The following STAU2 variants were observed in gnomAD, a reference collection of about 807,000 sequenced individuals.
The protein encoded by STAU2 is double-stranded RNA-binding protein Staufen homolog 2.
STAU2 carries 20 observed loss-of-function variants against 65.9 expected under a neutral mutation model. The observed-to-expected ratio is 0.30, with a 90% CI of 0.21 to 0.44. STAU2 has a LOEUF of 0.44. Among genes scored for constraint, STAU2 ranks in the 20% least tolerant of loss-of-function variants. STAU2 has a pLI of 1.00. For synonymous variants in STAU2, 232 were observed against 233.9 expected (o/e 0.99, Z 0.07); for missense variants, 558 against 683.9 (o/e 0.82, Z 2.05).
At chr8:73,515,766 A>C (rs1219983147) in intron 13 of STAU2, among the ~76,000 whole-genome samples, 4 of 141,398 alleles carry the variant, frequency 2.8e-5, no homozygotes, top group Admixed American at 7.9e-5. Context: ...GTGCTGAAAA[A>C]ATTTCTCTTT....
intron 3 of STAU2, among the ~76,000 whole-genome samples, chr8:73,720,513 T>C (rs1455250884): frequency 1.1e-4 from 5 of 46,914 alleles, no homozygotes; most frequent in African/African-American, 3.7e-4. Flanking sequence ...TTTTTTTTTT[T>C]TTTTTTTTTT....
chr8:73,688,914 G>A, intron 4 of STAU2, 101 bp from the exon 5 acceptor site: 13 of 1,390,248 alleles, frequency 9.4e-6, no homozygotes, highest in Non-Finnish European at 1.3e-5. Flanking sequence ...CAGAATTTTA[G>A]AGCTAGAGGT....
At chr8:73,580,534 A>G (rs1173310826) in intron 12 of STAU2, among the ~76,000 whole-genome samples, 1 of 152,232 alleles carries the variant, frequency 6.6e-6, no homozygotes, top group African/African-American at 2.4e-5. Context: ...CAGGACAGAA[A>G]CCATTTAGAA....
intron 6 of STAU2, among the ~76,000 whole-genome samples, chr8:73,666,136 T>C (rs944918298): frequency 2.6e-5 from 4 of 152,206 alleles, no homozygotes; most frequent in African/African-American, 9.6e-5. Context: ...ACATCAACTG[T>C]TGTACTTTCC....
chr8:73,504,022 T>C (rs191888793), intron 13 of STAU2, among the ~76,000 whole-genome samples: 4 of 152,248 alleles, frequency 2.6e-5, no homozygotes, highest in African/African-American at 9.6e-5. Context: ...GATGTCAATA[T>C]TAAAATGAAA....
At chr8:73,449,680 C>A (rs560375834) in intron 13 of STAU2, among the ~76,000 whole-genome samples, 31 of 152,204 alleles carry the variant, frequency 2.0e-4, no homozygotes, top group Non-Finnish European at 3.7e-4. Flanking sequence ...GTGGGACCAC[C>A]GGCAAGAGGC....
intron 6 of STAU2, among the ~76,000 whole-genome samples, chr8:73,666,653 C>T (rs1312093139): frequency 6.6e-6 from 1 of 152,144 alleles, no homozygotes; most frequent in African/African-American, 2.4e-5. Context: ...GATACATTAG[C>T]TAAAGGTAAC....
At chr8:73,565,324 T>C (rs1345403256) in intron 12 of STAU2, among the ~76,000 whole-genome samples, 2 of 152,122 alleles carry the variant, frequency 1.3e-5, no homozygotes, top group Non-Finnish European at 2.9e-5. Context: ...CTGCTGGCCA[T>C]GTGAAGATGT....
At chr8:73,741,196 T>G (rs1420469545) in intron 1 of STAU2, among the ~76,000 whole-genome samples, 1 of 145,668 alleles carries the variant, frequency 6.9e-6, no homozygotes, top group African/African-American at 2.6e-5. Flanking sequence ...TCCCAGCTAC[T>G]CGGGAGGCTG....
intron 6 of STAU2, among the ~76,000 whole-genome samples, chr8:73,622,371 C>T (rs1185962177): frequency 5.3e-5 from 8 of 152,062 alleles, no homozygotes; most frequent in East Asian, 1.9e-4. Flanking sequence ...GTGATCCGCC[C>T]GCCTCGGCCT....
At chr8:73,662,711 G>A (rs1245703175) in intron 6 of STAU2, among the ~76,000 whole-genome samples, 1 of 152,058 alleles carries the variant, frequency 6.6e-6, no homozygotes, top group Non-Finnish European at 1.5e-5. Context: ...CTGCCTCCCG[G>A]GTTCAAGCAA....
chr8:73,512,871 G>A (rs1223175886), intron 13 of STAU2, among the ~76,000 whole-genome samples: 2 of 152,144 alleles, frequency 1.3e-5, no homozygotes, highest in African/African-American at 4.8e-5. Context: ...ATTTCCATTT[G>A]ACTTTTTAAA....
At position 73,704,794 on chromosome 8, in the gene STAU2, G is replaced by A. The variant is rs552815283; in HGVS notation, c.114+4238C>T. Among the ~76,000 whole-genome samples, 8 of 152,148 alleles carry A rather than the reference G, an allele frequency of 5.3e-5. No individual in the cohort carries two copies. The East Asian group carries it at 9.7e-4, about 18-fold the overall frequency. ...AGCAATTCTCCTGCCTCAGCCTCCC[G>A]AGCAGCTGGGACTAAAGGCTCGTGC... On this transcript the variant is annotated intron_variant, in intron 4 of 14. Coordinates refer to ENST00000524300, the MANE Select transcript of STAU2 (RefSeq NM_001164380.2).
chr8:73,427,091 A>T (rs922796809), intron 13 of STAU2, among the ~76,000 whole-genome samples: 9 of 151,510 alleles, frequency 5.9e-5, no homozygotes, highest in South Asian at 4.2e-4. Flanking sequence ...ACCACGCCAG[A>T]TTACTTTTGT....
At chr8:73,621,493 T>C (rs1348983400) in intron 6 of STAU2, among the ~76,000 whole-genome samples, 4 of 152,234 alleles carry the variant, frequency 2.6e-5, no homozygotes, top group Non-Finnish European at 5.9e-5. Flanking sequence ...TACATATTTT[T>C]ACAAATTAGT....
intron 6 of STAU2, among the ~76,000 whole-genome samples, chr8:73,648,496 G>A (rs1481835056): frequency 3.3e-5 from 5 of 152,136 alleles, no homozygotes; most frequent in African/African-American, 1.2e-4. Context: ...CCACGTCTGT[G>A]TATAAAGAAA....
chr8:73,525,941 G>A (rs1009616353), intron 13 of STAU2, among the ~76,000 whole-genome samples: 1 of 152,184 alleles, frequency 6.6e-6, no homozygotes, highest in African/African-American at 2.4e-5. Flanking sequence ...CAGTCAATTT[G>A]TAGTTTACAC....
chr8:73,676,376 T>C (rs1818028732), intron 5 of STAU2, among the ~76,000 whole-genome samples: 1 of 152,150 alleles, frequency 6.6e-6, no homozygotes, highest in South Asian at 2.1e-4. Flanking sequence ...TGAAGAAAAA[T>C]ATTGAACTCT....
intron 11 of STAU2, among the ~76,000 whole-genome samples, chr8:73,589,241 A>G (rs935229540): frequency 6.6e-6 from 1 of 152,206 alleles, no homozygotes; most frequent in African/African-American, 2.4e-5. Context: ...TCTGAGAGAG[A>G]GACATATGCT....
Sources: allele counts gnomAD v4.1 joint callset (sites outside exome capture counted in the v4.1 genomes callset), GRCh38; gene constraint gnomAD v4.1.1; transcripts MANE v1.5; gene names NCBI Gene and HGNC (gene_info 2026-07-23, HGNC 2026-07-21).